RYR2: variants seen among roughly 807,000 people sequenced by gnomAD.
RYR2 encodes the protein cardiac muscle ryanodine receptor-calcium release channel.
A neutral mutation model predicts 601.1 loss-of-function variants in RYR2; 227 were observed. The ratio of observed to expected loss-of-function variants is 0.38; its 90% CI spans 0.34 to 0.42. The LOEUF (loss-of-function observed/expected upper bound fraction) is 0.42. RYR2 is among the 10% of genes least tolerant of loss of function. RYR2 has a pLI of 1.00. For synonymous variants in RYR2, 2,223 were observed against 2,175.1 expected (o/e 1.02, Z -0.61); for missense variants, 4,646 against 6,156.5 (o/e 0.75, Z 8.21).
chr1:237,319,374 T>C (rs913511598), intron 2 of RYR2, among the ~76,000 whole-genome samples: 2 of 152,160 alleles, frequency 1.3e-5, no homozygotes, highest in African/African-American at 4.8e-5. Context: ...ACTGTCTGTG[T>C]CATAATTTTT....
chr1:237,246,998 A>T (rs1217581282), intron 1 of RYR2, among the ~76,000 whole-genome samples: 1 of 152,174 alleles, frequency 6.6e-6, no homozygotes, highest in Non-Finnish European at 1.5e-5. Flanking sequence ...CCTACATATT[A>T]TTTTGCGAGT....
At chr1:237,542,634 C>G (rs2618670) in intron 25 of RYR2, among the ~76,000 whole-genome samples, 90,470 of 151,882 alleles carry the variant, frequency 0.6, 28,201 homozygotes, top group East Asian at 0.75. Flanking sequence ...CTCCTCCCCT[C>G]TGTGAGTCAC....
intron 17 of RYR2, among the ~76,000 whole-genome samples, chr1:237,481,706 G>A (rs1215798346): frequency 6.7e-6 from 1 of 148,914 alleles, no homozygotes; most frequent in African/African-American, 2.5e-5. Flanking sequence ...CAACAGATTT[G>A]TGCCTTTACA....
intron 57 of RYR2, among the ~76,000 whole-genome samples, chr1:237,667,232 A>C (rs1684405556): frequency 6.6e-6 from 1 of 152,226 alleles, no homozygotes; most frequent in African/African-American, 2.4e-5. Flanking sequence ...TTCAAATAAC[A>C]TATTAGCATT....
intron 1 of RYR2, among the ~76,000 whole-genome samples, chr1:237,170,556 G>A (rs1257236304): frequency 6.6e-6 from 1 of 152,188 alleles, no homozygotes; most frequent in East Asian, 1.9e-4. Flanking sequence ...CTTAAAAAAA[G>A]TATGTATTTC....
intron 2 of RYR2, among the ~76,000 whole-genome samples, chr1:237,293,666 G>A (rs1045956773): frequency 6.6e-6 from 1 of 152,138 alleles, no homozygotes; most frequent in Admixed American, 6.5e-5. Context: ...TATTATAAAG[G>A]ATAGTACAAA....
At chr1:237,632,386 A>G (rs1449563021) in intron 42 of RYR2, among the ~76,000 whole-genome samples, 1 of 111,686 alleles carries the variant, frequency 9.0e-6, no homozygotes, top group African/African-American at 3.8e-5. Flanking sequence ...TCTAAAGTGA[A>G]TTCTTTTTTT....
rs143228973 is a variant in RYR2, at chr1:237,833,434, C to A, written c.*787C>A. The A allele has an allele frequency of 0.01, 1,349 of 132,392 alleles. 13 individuals are homozygous for A. Among genetic ancestry groups the A allele is most frequent in the Middle Eastern group, 0.06 (14 of 234 alleles). The allele number at this position is 132,392 out of a possible 1,614,324, so 8.2% of individuals were successfully genotyped here. On this transcript the variant is annotated 3_prime_UTR_variant, in exon 105 of 105. Transcript: ENST00000366574. ...ATGCAACATTGCAACTTTATGAAAT[C>A]TTTGTATGAAAACAAAAAGACTGCA...
Position 237,297,294 on chromosome 1 carries a change from T to C in RYR2, c.168+26678T>C, listed in dbSNP as rs541520599. Among the ~76,000 whole-genome samples the C allele has an allele frequency of 1.3e-4, 20 of 152,304 alleles. 1 individual carries two copies. The highest frequency in any genetic ancestry group is 4.8e-4 in the African/African-American group (20 of 41,578). On this transcript the variant is annotated intron_variant, in intron 2 of 104. Coordinates refer to ENST00000366574, the MANE Select transcript of RYR2 (RefSeq NM_001035.3). ...AGCCTTGAGCTGATCCATGAATTTA[T>C]ATATTTATAAGGAAAGGTGATCTTT...
At chr1:237,124,027 C>A (rs1394324380) in intron 1 of RYR2, among the ~76,000 whole-genome samples, 1 of 152,174 alleles carries the variant, frequency 6.6e-6, no homozygotes, top group Non-Finnish European at 1.5e-5. Context: ...TTTATGTTAT[C>A]ATCTCATATT....
intron 36 of RYR2, among the ~76,000 whole-genome samples, chr1:237,612,044 A>G (rs1677935668): frequency 1.3e-5 from 2 of 152,178 alleles, no homozygotes; most frequent in African/African-American, 4.8e-5. Context: ...TTATGAGTCA[A>G]TAAACAAAAT....
intron 46 of RYR2, among the ~76,000 whole-genome samples, chr1:237,639,672 C>T (rs979779601): frequency 6.6e-6 from 1 of 152,042 alleles, no homozygotes; most frequent in African/African-American, 2.4e-5. Context: ...TGTTGAGGTA[C>T]AGAAGACAGA....
At chr1:237,072,286 T>C (rs994528784) in intron 1 of RYR2, among the ~76,000 whole-genome samples, 9 of 152,226 alleles carry the variant, frequency 5.9e-5, no homozygotes, top group African/African-American at 2.2e-4. Context: ...TCACTGGGAT[T>C]ACAGGCATGA....
intron 1 of RYR2, among the ~76,000 whole-genome samples, chr1:237,235,835 A>G (rs1685498156): frequency 6.6e-6 from 1 of 152,188 alleles, no homozygotes; most frequent in African/African-American, 2.4e-5. Flanking sequence ...CAGATGTGGC[A>G]TCATTTAAAT....
At chr1:237,467,896 T>C (rs1660262640) in intron 16 of RYR2, among the ~76,000 whole-genome samples, 1 of 148,918 alleles carries the variant, frequency 6.7e-6, no homozygotes, top group African/African-American at 2.5e-5. Flanking sequence ...TCTCACACTG[T>C]CTCTCAGACT....
rs1005918263 is a variant in RYR2 at position 237,753,553 on chromosome 1, A to G, written c.11146-2735A>G. Among the ~76,000 whole-genome samples, 8 of 152,344 alleles carry G rather than the reference A, an allele frequency of 5.3e-5. No individual in the cohort carries two copies. The South Asian group carries it at 1.2e-3, about 24-fold the overall frequency. On this transcript the variant is annotated intron_variant, in intron 80 of 104. Coordinates refer to ENST00000366574, the MANE Select transcript of RYR2 (RefSeq NM_001035.3). Reference sequence around the variant, plus strand: ...CTTGGAAAAACCTCCTAACAAGCTTATTAGGATATGCACTGATAATTCTTG... The same window carrying G: ...CTTGGAAAAACCTCCTAACAAGCTTGTTAGGATATGCACTGATAATTCTTG...
chr1:237,317,087 C>T (rs938664915), intron 2 of RYR2, among the ~76,000 whole-genome samples: 5 of 152,154 alleles, frequency 3.3e-5, no homozygotes, highest in Non-Finnish European at 7.3e-5. Context: ...GGAAGTGGAC[C>T]GAGGAGTATT....
intron 2 of RYR2, among the ~76,000 whole-genome samples, chr1:237,314,600 T>C (rs562681636): frequency 4.6e-5 from 7 of 152,268 alleles, no homozygotes; most frequent in Admixed American, 4.6e-4. Flanking sequence ...ATGAGCTATT[T>C]AAGGTGGTTA....
chr1:237,180,006 C>T lies in RYR2; in HGVS notation c.49-90491C>T, dbSNP rs1197501767. ...TGGCAGTGGCTTTCTGATCAAATTT[C>T]GGGTCTTGACACAGCAAGTGATAAA... On this transcript the variant is annotated intron_variant, in intron 1 of 104. Transcript: ENST00000366574. The surrounding 1 kb of genome is among the most constrained non-coding windows in gnomAD (Gnocchi z 5.3). Among the ~76,000 whole-genome samples the T allele has an allele frequency of 2.6e-5, 4 of 152,012 alleles. No individual in the cohort carries two copies. Among genetic ancestry groups the T allele is most frequent in the Non-Finnish European group, 4.4e-5 (3 of 68,032 alleles).
Sources: allele counts gnomAD v4.1 joint callset (sites outside exome capture counted in the v4.1 genomes callset), GRCh38; gene constraint gnomAD v4.1.1; non-coding constraint Gnocchi (gnomAD v3.1); transcripts MANE v1.5; gene names NCBI Gene and HGNC (gene_info 2026-07-23, HGNC 2026-07-21).